Variants in LRRC37A2 observed in about 807,000 individuals in gnomAD.
LRRC37A2 encodes leucine rich repeat containing 37 member A2, also known as leucine-rich repeat-containing protein 37A2.
Under a neutral mutation model 68.8 loss-of-function variants are expected in LRRC37A2, and 9 were observed. The observed-to-expected ratio is 0.13, with a 90% CI of 0.08 to 0.23. LRRC37A2 has a LOEUF of 0.23. Ranked by LOEUF, LRRC37A2 falls within the 10% of genes least tolerant of loss-of-function variation. The probability of loss-of-function intolerance (pLI) is 1.00; values close to 1 mark genes in which losing one functional copy is unlikely to be tolerated. For synonymous variants in LRRC37A2, 63 were observed against 367.6 expected, an observed-to-expected ratio of 0.17 and a Z score of 9.48; for missense variants, 168 against 950.4, an observed-to-expected ratio of 0.18 and a Z score of 10.82.
the LRRC37A2 span, among the ~76,000 whole-genome samples, chr17:46,751,213 A>T: frequency 1.1e-4 from 16 of 152,312 alleles, no homozygotes; most frequent in South Asian, 2.1e-4. Context: ...AATGTTAAAA[A>T]TTTTAACTTA....
chr17:46,889,176 A>T, the LRRC37A2 span, among the ~76,000 whole-genome samples: 1 of 152,172 alleles, frequency 6.6e-6, no homozygotes, highest in South Asian at 2.1e-4. Context: ...AAGATTTTGA[A>T]AATCTGATTT....
chr17:46,913,627 G>A, the LRRC37A2 span, among the ~76,000 whole-genome samples: 2 of 152,170 alleles, frequency 1.3e-5, no homozygotes, highest in Admixed American at 6.5e-5. Flanking sequence ...TTAGGATGGC[G>A]GAAATGACCA....
the LRRC37A2 span, among the ~76,000 whole-genome samples, chr17:46,837,846 G>A: frequency 6.6e-6 from 1 of 152,154 alleles, no homozygotes; most frequent in Non-Finnish European, 1.5e-5. Context: ...CCACATATGA[G>A]GACACTGTGC....
the LRRC37A2 span, among the ~76,000 whole-genome samples, chr17:46,731,072 TGTGAG>T: frequency 6.6e-6 from 1 of 152,130 alleles, no homozygotes; most frequent in Non-Finnish European, 1.5e-5. Context: ...AAAGCTTGTA[TGTGAG>T]TATTCATAGC....
chr17:46,924,865 C>T, the LRRC37A2 span, among the ~76,000 whole-genome samples: 6 of 152,206 alleles, frequency 3.9e-5, no homozygotes, highest in Non-Finnish European at 8.8e-5. Context: ...CATAGTAGTG[C>T]CTTGAAGTTA....
At chr17:46,981,443 C>T in the LRRC37A2 span, among the ~76,000 whole-genome samples, 1 of 152,194 alleles carries the variant, frequency 6.6e-6, no homozygotes, top group South Asian at 2.1e-4. Context: ...TCTCTCTCTT[C>T]TCTTTCTGGC....
the LRRC37A2 span, among the ~76,000 whole-genome samples, chr17:46,867,177 T>A: frequency 6.6e-6 from 1 of 152,328 alleles, no homozygotes; most frequent in African/African-American, 2.4e-5. Flanking sequence ...CCAACTTCCT[T>A]CCAGACTGTG....
the LRRC37A2 span, among the ~76,000 whole-genome samples, chr17:46,809,312 G>A: frequency 1.3e-5 from 2 of 152,172 alleles, no homozygotes; most frequent in Non-Finnish European, 2.9e-5. Context: ...CACAGCACAA[G>A]CCCTATTTGC....
chr17:46,837,320 G>A, the LRRC37A2 span, among the ~76,000 whole-genome samples: 1 of 152,184 alleles, frequency 6.6e-6, no homozygotes, highest in East Asian at 1.9e-4. Flanking sequence ...CACCTGCAGT[G>A]ACAAGGCTGG....
the LRRC37A2 span, chr17:46,874,944 C>T: frequency 2.8e-4 from 321 of 1,162,226 alleles, 2 homozygotes; most frequent in East Asian, 7.1e-3. Flanking sequence ...GAGACCCACC[C>T]GGAGCTGTGT....
the LRRC37A2 span, chr17:46,851,772 C>A: frequency 4.3e-6 from 4 of 938,812 alleles, no homozygotes; most frequent in East Asian, 3.3e-5. This position sits in a 1 kb window ranked among gnomAD's most constrained non-coding sequence, Gnocchi z 4.3. Context: ...CTCCCTCCTG[C>A]GCTACAGCTG....
At chr17:46,943,110 C>T in the LRRC37A2 span, among the ~76,000 whole-genome samples, 4 of 152,190 alleles carry the variant, frequency 2.6e-5, no homozygotes, top group South Asian at 2.1e-4. Context: ...GGTAGGGAGC[C>T]GATGGCTCTA....
chr17:46,880,890 G>A, the LRRC37A2 span, among the ~76,000 whole-genome samples: 1 of 152,210 alleles, frequency 6.6e-6, no homozygotes, highest in South Asian at 2.1e-4. Context: ...CATTTCTGGA[G>A]CCCTCATGCT....
chr17:47,011,570 G>A, the LRRC37A2 span, among the ~76,000 whole-genome samples: 1 of 140,522 alleles, frequency 7.1e-6, no homozygotes, highest in African/African-American at 2.6e-5. Context: ...AAAAAAAGTT[G>A]TTTTTTTTTT....
chr17:46,896,888 A>AC, the LRRC37A2 span, among the ~76,000 whole-genome samples: 2 of 151,828 alleles, frequency 1.3e-5, no homozygotes, highest in African/African-American at 4.8e-5. Context: ...AGGGCTGGAC[A>AC]CCCCCCACCA....
the LRRC37A2 span, among the ~76,000 whole-genome samples, chr17:46,791,177 G>C: frequency 6.6e-6 from 1 of 151,352 alleles, no homozygotes; most frequent in Non-Finnish European, 1.5e-5. Flanking sequence ...CTTGCCTGCA[G>C]CTACATTTCC....
the LRRC37A2 span, among the ~76,000 whole-genome samples, chr17:47,001,603 C>A: frequency 6.6e-6 from 1 of 151,966 alleles, no homozygotes; most frequent in Admixed American, 6.6e-5. Flanking sequence ...TGAAGAAAGC[C>A]ATCCTCCCAA....
At chr17:46,787,066 T>TC in the LRRC37A2 span, among the ~76,000 whole-genome samples, 1 of 151,772 alleles carries the variant, frequency 6.6e-6, no homozygotes, top group African/African-American at 2.4e-5. Flanking sequence ...GCCTCCTGAG[T>TC]AGCTGAGACT....
chr17:46,815,418 T>C, the LRRC37A2 span, among the ~76,000 whole-genome samples: 3 of 152,106 alleles, frequency 2.0e-5, no homozygotes, highest in Non-Finnish European at 4.4e-5. Flanking sequence ...AGGGTCCGCG[T>C]GGACAGAAAT....
Sources: gnomAD v4.1 joint callset for allele counts (sites outside exome capture counted in the v4.1 genomes callset) on GRCh38, gnomAD v4.1.1 for gene constraint, Gnocchi (gnomAD v3.1) non-coding constraint, MANE v1.5 for transcripts, NCBI Gene and HGNC (gene_info 2026-07-23, HGNC 2026-07-21) for gene names.